Variants in GUCY2F observed in about 807,000 individuals in gnomAD.
GUCY2F encodes retinal guanylyl cyclase 2.
Under a neutral mutation model 73.1 loss-of-function variants are expected in GUCY2F, and 61 were observed. That is an observed-to-expected ratio of 0.83 (90% CI 0.68 to 1.03). The LOEUF is 1.03. Ranked by LOEUF, GUCY2F falls within the 50% of genes least tolerant of loss-of-function variation. The pLI is 0.00. For missense variants in GUCY2F, 912 were observed against 854.3 expected, an observed-to-expected ratio of 1.07 and a Z score of -0.84; for synonymous variants, 331 against 307.8, an observed-to-expected ratio of 1.08 and a Z score of -0.79.
intron 5 of GUCY2F, among the ~76,000 whole-genome samples, chrX:109,449,425 C>T (rs1360863550): frequency 4.5e-5 from 5 of 112,142 alleles, no homozygotes; most frequent in Non-Finnish European, 9.4e-5. Flanking sequence ...TACAGCATCA[C>T]TCCCTAACTG....
intron 6 of GUCY2F, among the ~76,000 whole-genome samples, chrX:109,444,491 A>G (rs1396921318): frequency 8.9e-6 from 1 of 112,007 alleles, no homozygotes; most frequent in Non-Finnish European, 1.9e-5. Flanking sequence ...TACTTTTCCT[A>G]CATCCACTAC....
At chrX:109,429,964 G>A (rs1372865320) in intron 8 of GUCY2F, among the ~76,000 whole-genome samples, 1 of 112,628 alleles carries the variant, frequency 8.9e-6, no homozygotes, top group Non-Finnish European at 1.9e-5. Flanking sequence ...TGCGCAAGAT[G>A]CTTTACGTGT....
At chrX:109,376,387 T>C (rs1002124574) in intron 17 of GUCY2F, among the ~76,000 whole-genome samples, 3 of 112,060 alleles carry the variant, frequency 2.7e-5, no homozygotes, top group African/African-American at 9.7e-5. Context: ...TGGGAATGTG[T>C]GGATGTTTGG....
At chrX:109,436,702 G>A (rs919172968) in intron 7 of GUCY2F, among the ~76,000 whole-genome samples, 19 of 108,948 alleles carry the variant, frequency 1.7e-4, no homozygotes, top group Admixed American at 3.0e-4. Flanking sequence ...ACCAAACACC[G>A]CATGTTCTCA....
intron 6 of GUCY2F, among the ~76,000 whole-genome samples, chrX:109,446,305 C>T (rs766364596): frequency 1.8e-5 from 2 of 111,934 alleles, no homozygotes; most frequent in South Asian, 7.5e-4. Flanking sequence ...AAAAAAGACC[C>T]TGCATTGCCA....
chrX:109,460,650 A>T (rs1028524795), intron 3 of GUCY2F, among the ~76,000 whole-genome samples: 4 of 111,885 alleles, frequency 3.6e-5, no homozygotes, highest in Non-Finnish European at 7.5e-5. Context: ...AACCAAGAAT[A>T]TAGGTCATGA....
chrX:109,372,927 C>A lies in GUCY2F; in HGVS notation c.*74G>T, dbSNP rs1337002681. On this transcript the variant is annotated 3_prime_UTR_variant, in exon 20 of 20. Transcript: ENST00000218006. ...TCACTAATTTCTTGCCCAGGCAGAA[C>A]AATTTCTTGAACTGAAGTGAGCTTT... 1 of 113,231 alleles carries A rather than the reference C, an allele frequency of 8.8e-6. No homozygotes were observed. Among genetic ancestry groups the A allele is most frequent in the African/African-American group, 3.2e-5 (1 of 31,118 alleles). The allele number at this position is 113,231 out of a possible 1,213,427, so 9.3% of individuals were successfully genotyped here.
chrX:109,383,250 C>T (rs772912107), intron 16 of GUCY2F: 1 of 149,251 alleles, frequency 6.7e-6, no homozygotes, highest in Admixed American at 9.4e-5. Flanking sequence ...CCAGTATATT[C>T]CTAGCCAGTC....
intron 3 of GUCY2F, among the ~76,000 whole-genome samples, chrX:109,457,964 G>A (rs977261683): frequency 2.7e-5 from 3 of 111,758 alleles, no homozygotes; most frequent in African/African-American, 9.7e-5. Context: ...CCCTAATTCA[G>A]AATTCTAATT....
intron 3 of GUCY2F, among the ~76,000 whole-genome samples, chrX:109,458,955 C>T (rs765352448): frequency 1.8e-5 from 2 of 111,576 alleles, no homozygotes; most frequent in Non-Finnish European, 1.9e-5. Flanking sequence ...TAAATCTGAG[C>T]TTAATAAATA....
At position 109,475,705 on chromosome X, in the gene GUCY2F, A is replaced by C; in HGVS notation, c.232T>G (p.Leu78Val). The change falls in exon 2 of 20, where the codon TTA becomes GTA. Residue 78 changes from leucine (L) to valine (V), a missense_variant. Physicochemically the swap from Leu to Val is conservative, Grantham distance 32. Transcript: ENST00000218006. ...TCCCGGTTGATTCGCTCAATGGCTA[A>C]TCGCGCAGCAACCTCAGGCAGGGCC... is the stretch of plus-strand genomic sequence containing the variant. ...SKALPEVAAR[L>V]AIERINRDPS... 1.7e-6 allele frequency: 2 copies of C among 1,211,469 alleles called. No homozygotes were observed. Among genetic ancestry groups the C allele is most frequent in the Non-Finnish European group, 2.2e-6 (2 of 895,247 alleles).
Position 109,392,115 on chromosome X carries a change from A to G in GUCY2F, c.2589-12T>C, listed in dbSNP as rs1160776147. The G allele has an allele frequency of 8.6e-7, 1 of 1,167,822 alleles. No individual in the cohort carries two copies. The highest frequency in any genetic ancestry group is 3.0e-5 in the East Asian group (1 of 33,070). ...ATTCAGCAACTGATCTGAAAAGCAG[A>G]CACAGCTATTCCTAAGATGACACTG... On this transcript the variant is annotated splice_polypyrimidine_tract_variant and intron_variant, in intron 13 of 19. Coordinates refer to ENST00000218006, the MANE Select transcript of GUCY2F (RefSeq NM_001522.3).
At chrX:109,461,931 T>C (rs947372444) in intron 3 of GUCY2F, among the ~76,000 whole-genome samples, 3 of 112,723 alleles carry the variant, frequency 2.7e-5, no homozygotes, top group Non-Finnish European at 5.6e-5. Context: ...AGCCCAGGGA[T>C]AGGCAAATAT....
intron 5 of GUCY2F, among the ~76,000 whole-genome samples, chrX:109,449,020 T>C: frequency 8.9e-6 from 1 of 111,777 alleles, no homozygotes; most frequent in African/African-American, 3.3e-5. Flanking sequence ...CTTGAAGACC[T>C]GGAGGGAATC....
chrX:109,383,383 T>A, intron 16 of GUCY2F: 1 of 719,821 alleles, frequency 1.4e-6, no homozygotes, highest in Non-Finnish European at 1.6e-6. Flanking sequence ...ACTTGTATGG[T>A]AGGGAGAATC....
intron 5 of GUCY2F, 105 bp downstream of exon 5, chrX:109,451,918 C>A: frequency 1.9e-6 from 1 of 519,304 alleles, no homozygotes; most frequent in South Asian, 2.9e-5. Context: ...ATCAGTGGGT[C>A]ATGTAATGAG....
intron 10 of GUCY2F, 122 bp from the exon 11 acceptor site, chrX:109,398,820 C>A: frequency 1.8e-6 from 1 of 570,387 alleles, no homozygotes; most frequent in East Asian, 3.6e-5. Flanking sequence ...GACAGACTGC[C>A]ATGCTAGTGC....
At chrX:109,420,667 G>T (rs1931352030) in intron 8 of GUCY2F, among the ~76,000 whole-genome samples, 1 of 111,743 alleles carries the variant, frequency 8.9e-6, no homozygotes, top group Non-Finnish European at 1.9e-5. Context: ...AACTTGAACA[G>T]GCTCTTCACA....
intron 10 of GUCY2F, among the ~76,000 whole-genome samples, chrX:109,402,914 G>GTC (rs201881289): frequency 9.0e-5 from 10 of 111,322 alleles, no homozygotes; most frequent in East Asian, 5.6e-4. Flanking sequence ...CTATGCATGT[G>GTC]TCTCTCTCTC....
Sources: allele counts gnomAD v4.1 joint callset (sites outside exome capture counted in the v4.1 genomes callset), GRCh38; gene constraint gnomAD v4.1.1; transcripts MANE v1.5; gene names NCBI Gene and HGNC (gene_info 2026-07-23, HGNC 2026-07-21).